The following APOLD1 variants were observed in gnomAD, a reference collection of about 807,000 sequenced individuals.
APOLD1 encodes the protein apolipoprotein L domain-containing protein 1.
APOLD1 carries 22 observed loss-of-function variants against 15.3 expected under a neutral mutation model. The ratio of observed to expected loss-of-function variants is 1.44; its 90% CI spans 1.03 to 2.05. The LOEUF (loss-of-function observed/expected upper bound fraction) is 2.05. Ranked by LOEUF, APOLD1 falls within the 30% of genes most tolerant of loss-of-function variation. The pLI is 0.00. For missense variants in APOLD1, 394 were observed against 353.5 expected (o/e 1.11, Z -0.92); for synonymous variants, 190 against 167.4 (o/e 1.13, Z -1.04).
chr12:12,787,637 AG>A lies in APOLD1; in HGVS notation c.735del (p.Leu246CysfsTer10), dbSNP rs773063674. On this transcript the variant is annotated frameshift_variant, in exon 2 of 2. Coordinates refer to ENST00000356591, the MANE Select transcript of APOLD1 (RefSeq NM_030817.3). LOFTEE classifies it high-confidence loss of function. This position sits in a 1 kb window ranked among gnomAD's most constrained non-coding sequence, Gnocchi z 4.9. ...TCAAGATCTCTGCTGACCAGCGTGC[AG>A]GGCTGTTTTTCTGAGAACATCCTTT... ...DLKISADQRA[G>X]LFF 1 of 1,594,102 alleles carries A rather than the reference AG, an allele frequency of 6.3e-7. No homozygotes were observed.
At chr12:12,732,089 C>T (rs1471234488) in intron 1 of APOLD1, among the ~76,000 whole-genome samples, 2 of 152,196 alleles carry the variant, frequency 1.3e-5, no homozygotes, top group African/African-American at 4.8e-5. Flanking sequence ...TGATACCAGT[C>T]TCTCCAAAAC....
rs1286867892 is a variant in APOLD1 at position 12,790,650 on chromosome 12, A to T, written c.*2998A>T. ...AAGGAAGAGTGTCTACTTTGGAACGATACTTTGCACATAGTAGGAACTCAA... is the reference window on the plus strand; with the variant it reads ...AAGGAAGAGTGTCTACTTTGGAACGTTACTTTGCACATAGTAGGAACTCAA... On this transcript the variant is annotated 3_prime_UTR_variant, in exon 2 of 2. Coordinates refer to ENST00000356591, the MANE Select transcript of APOLD1 (RefSeq NM_030817.3). 1.3e-5 allele frequency: 2 copies of T among 152,214 alleles called. No individual in the cohort carries two copies. Among genetic ancestry groups the T allele is most frequent in the Non-Finnish European group, 2.9e-5 (2 of 68,030 alleles). The allele number at this position is 152,214 out of a possible 1,614,324, so 9.4% of individuals were successfully genotyped here.
intron 1 of APOLD1, among the ~76,000 whole-genome samples, chr12:12,737,530 T>C (rs1421235450): frequency 2.6e-5 from 4 of 152,204 alleles, no homozygotes; most frequent in Non-Finnish European, 4.4e-5. Flanking sequence ...TATGAGCCCC[T>C]GCCAAACTGA....
chr12:12,735,431 G>A (rs1259849381), intron 1 of APOLD1, among the ~76,000 whole-genome samples: 2 of 152,144 alleles, frequency 1.3e-5, no homozygotes, highest in East Asian at 1.9e-4. Flanking sequence ...CCAGTTGAAA[G>A]GAGGAAAGGA....
chr12:12,743,033 T>G (rs947095709), intron 1 of APOLD1, among the ~76,000 whole-genome samples: 1 of 152,346 alleles, frequency 6.6e-6, no homozygotes, highest in African/African-American at 2.4e-5. Context: ...ATTACAGGCG[T>G]GAGCCACCGC....
intron 1 of APOLD1, among the ~76,000 whole-genome samples, chr12:12,758,805 A>T (rs935033736): frequency 6.6e-6 from 1 of 152,170 alleles, no homozygotes; most frequent in African/African-American, 2.4e-5. Flanking sequence ...GATCTTAGCA[A>T]TCTCGGCATA....
rs1555089065 is a variant in APOLD1 at position 12,746,510 on chromosome 12, A to ATAAATAC, written c.96+20414_96+20415insTAAATAC. 1.7e-3 allele frequency among the ~76,000 whole-genome samples: 262 copies of ATAAATAC among 149,950 alleles called. 1 individual carries two copies. In the South Asian group the frequency reaches 0.02, roughly 12 times the overall value. ...AAACTCCATCTCAAATAAATAAATA[A>ATAAATAC]ATAAATACATAAATACATACATACA... On this transcript the variant is annotated intron_variant, in intron 1 of 1. Coordinates refer to the APOLD1 transcript ENST00000326765.
chr12:12,742,433 A>C (rs535724904), intron 1 of APOLD1, among the ~76,000 whole-genome samples: 117 of 152,300 alleles, frequency 7.7e-4, no homozygotes, highest in African/African-American at 2.7e-3. Context: ...ATATCGATTC[A>C]GGCATTTCTC....
At chr12:12,760,466 C>A (rs1268157688) in intron 1 of APOLD1, among the ~76,000 whole-genome samples, 2 of 151,986 alleles carry the variant, frequency 1.3e-5, no homozygotes, top group Non-Finnish European at 2.9e-5. Flanking sequence ...GTCAAAACCC[C>A]GTCTTTACTA....
At chr12:12,786,634 CGTTAACG>C (rs1418251788) in intron 1 of APOLD1, 21 of 984,422 alleles carry the variant, frequency 2.1e-5, no homozygotes, top group Non-Finnish European at 2.5e-5. Context: ...TGAAGCCCAT[CGTTAACG>C]TTCCCTGGGA....
At chr12:12,751,926 G>A (rs982186723) in intron 1 of APOLD1, among the ~76,000 whole-genome samples, 1 of 152,136 alleles carries the variant, frequency 6.6e-6, no homozygotes, top group African/African-American at 2.4e-5. Context: ...CTTTGGAGAT[G>A]GAGGAAGAAG....
At chr12:12,767,352 T>C (rs1946950002) in intron 1 of APOLD1, among the ~76,000 whole-genome samples, 1 of 151,834 alleles carries the variant, frequency 6.6e-6, no homozygotes, top group South Asian at 2.1e-4. Flanking sequence ...AACCGTACAA[T>C]AATAAAAATA....
chr12:12,750,239 G>A (rs573396597), intron 1 of APOLD1, among the ~76,000 whole-genome samples: 1 of 152,026 alleles, frequency 6.6e-6, no homozygotes, highest in Non-Finnish European at 1.5e-5. Context: ...GGGTGTGGTG[G>A]CACATGGCAG....
intron 1 of APOLD1, among the ~76,000 whole-genome samples, chr12:12,740,854 C>T (rs1010961900): frequency 3.9e-5 from 6 of 152,036 alleles, no homozygotes; most frequent in Admixed American, 1.3e-4. Context: ...AATTGAGTTG[C>T]GGCTGGGCAC....
exon 1 of APOLD1, chr12:12,725,936 G>T (rs576829445): frequency 7.5e-7 from 1 of 1,338,414 alleles, no homozygotes; most frequent in South Asian, 1.6e-5. Context: ...GCAGGCGGGG[G>T]TGCGCGGGGC....
intron 1 of APOLD1, among the ~76,000 whole-genome samples, chr12:12,748,979 C>T (rs187163265): frequency 6.6e-6 from 1 of 152,254 alleles, no homozygotes; most frequent in African/African-American, 2.4e-5. Flanking sequence ...GGGATCTTCC[C>T]AGATGTGGTA....
chr12:12,786,809 G>C (rs1947128505), intron 1 of APOLD1, 100 bp from the exon 2 acceptor site: 1 of 1,314,348 alleles, frequency 7.6e-7, no homozygotes, highest in Non-Finnish European at 9.6e-7. Context: ...TGGCTGCTCC[G>C]CTGAACTCGT....
chr12:12,780,001 C>A (rs370633561), intron 1 of APOLD1, among the ~76,000 whole-genome samples: 68 of 152,150 alleles, frequency 4.5e-4, no homozygotes, highest in South Asian at 3.9e-3. Flanking sequence ...TCCTAGAGGT[C>A]TTCTGCAGAA....
chr12:12,730,817 G>A (rs906811105), intron 1 of APOLD1, among the ~76,000 whole-genome samples: 1 of 150,488 alleles, frequency 6.6e-6, no homozygotes, highest in Non-Finnish European at 1.5e-5. Flanking sequence ...CCCAATACAT[G>A]GTATATAATA....
Sources: gnomAD v4.1 joint callset for allele counts (sites outside exome capture counted in the v4.1 genomes callset) on GRCh38, gnomAD v4.1.1 for gene constraint, Gnocchi (gnomAD v3.1) non-coding constraint, MANE v1.5 for transcripts, NCBI Gene and HGNC (gene_info 2026-07-23, HGNC 2026-07-21) for gene names.